TAMM41: variants seen among roughly 807,000 people sequenced by gnomAD.
TAMM41 encodes the protein phosphatidate cytidylyltransferase, mitochondrial.
Under a neutral mutation model 44.1 loss-of-function variants are expected in TAMM41, and 36 were observed. The observed-to-expected ratio is 0.82, with a 90% CI of 0.63 to 1.08. The LOEUF (loss-of-function observed/expected upper bound fraction) is 1.08, where lower values mean the gene tolerates loss of function less well. Among genes scored for constraint, TAMM41 ranks in the 50% least tolerant of loss-of-function variants. The probability of loss-of-function intolerance (pLI) is 0.00; values close to 1 mark genes in which losing one functional copy is unlikely to be tolerated. For synonymous variants in TAMM41, 164 were observed against 153.1 expected, an observed-to-expected ratio of 1.07 and a Z score of -0.53; for missense variants, 417 against 404.3, an observed-to-expected ratio of 1.03 and a Z score of -0.27.
chr3:11,781,109 G>C, the TAMM41 span, among the ~76,000 whole-genome samples: 3 of 152,260 alleles, frequency 2.0e-5, no homozygotes, highest in African/African-American at 7.2e-5. Flanking sequence ...TCTGGGAATA[G>C]GCTTTAGACT....
rs2078027449 is a variant in TAMM41 at position 11,809,670 on chromosome 3, G to T, written c.721C>A (p.Pro241Thr). Reference protein sequence around the residue: ...QQGWLEIDKSPEGQFTQLMTL... With the variant: ...QQGWLEIDKSTEGQFTQLMTL... The stretch of plus-strand genomic sequence containing the variant: ...ATCAGCTGAGTGAACTGTCCTTCTG[G>T]GCTTTTATCTATCTGAAGGGAGGAA... The change falls in exon 6 of 8, where the codon CCA becomes ACA. Residue 241 changes from proline to threonine, a missense_variant. Transcript: ENST00000455809. The T allele has an allele frequency of 6.2e-7, 1 of 1,610,168 alleles. No homozygotes were observed. Among genetic ancestry groups the T allele is most frequent in the Non-Finnish European group, 8.5e-7 (1 of 1,179,348 alleles).
At chr3:11,761,946 C>CAAAAAAAAAAAAAAAAAAAAA in the TAMM41 span, among the ~76,000 whole-genome samples, 1 of 75,012 alleles carries the variant, frequency 1.3e-5, no homozygotes, top group Admixed American at 1.7e-4. Context: ...GACTCTGTCT[C>CAAAAAAAAAAAAAAAAAAAAA]AAAAAAAAAA....
chr3:11,725,450 TCCTC>T, the TAMM41 span, among the ~76,000 whole-genome samples: 4 of 146,906 alleles, frequency 2.7e-5, no homozygotes, highest in East Asian at 2.1e-4. Context: ...CTCCTCCTCC[TCCTC>T]CTTCTTCTTC....
rs1459937748 is a variant in TAMM41 at position 11,829,804 on chromosome 3, T to C, written c.472A>G (p.Lys158Glu). Reference protein sequence around the residue: ...TLRSALDRNLKSAVTAAFLML... With the variant: ...TLRSALDRNLESAVTAAFLML... Reference sequence around the variant, plus strand: ...AGGAAAGCAGCGGTCACAGCACTCTTCAGATTTCTATCGAGGGCTGATCTA... The same window carrying C: ...AGGAAAGCAGCGGTCACAGCACTCTCCAGATTTCTATCGAGGGCTGATCTA... Residue 158 changes from lysine to glutamate, a missense_variant, in exon 4 of 8, where the codon AAG (lysine) becomes GAG (glutamate). Coordinates refer to ENST00000455809, the MANE Select transcript of TAMM41 (RefSeq NM_001284401.2). 1.9e-6 allele frequency: 3 copies of C among 1,614,170 alleles called. No individual in the cohort carries two copies. Among genetic ancestry groups the C allele is most frequent in the Non-Finnish European group, 2.5e-6 (3 of 1,180,000 alleles).
the TAMM41 span, among the ~76,000 whole-genome samples, chr3:11,763,635 G>C: frequency 6.6e-6 from 1 of 152,224 alleles, no homozygotes; most frequent in Admixed American, 6.5e-5. Context: ...GAAAATCACA[G>C]TAATTTCCCA....
At chr3:11,841,071 CTATTTTT>C (rs1353009978) in intron 2 of TAMM41, among the ~76,000 whole-genome samples, 141 of 98,262 alleles carry the variant, frequency 1.4e-3, no homozygotes, top group African/African-American at 5.1e-3. Flanking sequence ...CAGCCCATTT[CTATTTTT>C]TTTTTTTTTT....
At chr3:11,741,782 T>TG in the TAMM41 span, among the ~76,000 whole-genome samples, 1 of 150,072 alleles carries the variant, frequency 6.7e-6, no homozygotes, top group African/African-American at 2.5e-5. Flanking sequence ...CTATCCCAAT[T>TG]GCCAGCGTCG....
At position 11,844,125 on chromosome 3, in the gene TAMM41, A is replaced by G; in HGVS notation, c.222T>C (p.Ser74=). 6.2e-7 allele frequency: 1 copy of G among 1,614,236 alleles called. No individual in the cohort carries two copies. Among genetic ancestry groups the G allele is most frequent in the Non-Finnish European group, 8.5e-7 (1 of 1,180,034 alleles). Residue 74 remains serine, a synonymous_variant, in exon 2 of 8, where the codon TCT becomes TCC. Transcript: ENST00000455809. ...TCTTGGGCCCTAAAACTTTTAGGAAAGAGTAGTGACTCCAATTTTTCTTCA... is the reference window on the plus strand; with the variant it reads ...TCTTGGGCCCTAAAACTTTTAGGAAGGAGTAGTGACTCCAATTTTTCTTCA... ...KNLKKNWSHY[S]FLKVLGPKII... is the part of the protein sequence containing the mutation.
chr3:11,784,148 C>A, the TAMM41 span, among the ~76,000 whole-genome samples: 1 of 152,158 alleles, frequency 6.6e-6, no homozygotes, highest in East Asian at 1.9e-4. Flanking sequence ...CTGAGGGCAA[C>A]AGGAACACAG....
At chr3:11,791,396 A>G (rs2077474236) in intron 7 of TAMM41, among the ~76,000 whole-genome samples, 1 of 152,232 alleles carries the variant, frequency 6.6e-6, no homozygotes, top group Non-Finnish European at 1.5e-5. Context: ...GAAAAAGGGA[A>G]TAAAATAAAT....
the TAMM41 span, among the ~76,000 whole-genome samples, chr3:11,767,915 G>A: frequency 9.9e-5 from 15 of 150,948 alleles, no homozygotes; most frequent in African/African-American, 2.2e-4. Flanking sequence ...GAGCCACCGC[G>A]CCTGGCCATC....
At chr3:11,802,833 A>G (rs961080161) in intron 7 of TAMM41, among the ~76,000 whole-genome samples, 1 of 152,240 alleles carries the variant, frequency 6.6e-6, no homozygotes, top group African/African-American at 2.4e-5. Flanking sequence ...CCAACAGCAC[A>G]TCAAAAAGAG....
At chr3:11,844,794 A>G in intron 1 of TAMM41, 1 of 378,256 alleles carries the variant, frequency 2.6e-6, no homozygotes, top group Non-Finnish European at 5.2e-6. Flanking sequence ...GAACTCTGAC[A>G]GGCCCTAGGG....
At chr3:11,845,187 T>G in intron 1 of TAMM41, 1 of 352,774 alleles carries the variant, frequency 2.8e-6, no homozygotes, top group Non-Finnish European at 5.6e-6. Flanking sequence ...AAGAGCTGAC[T>G]GGAGAGAAGA....
chr3:11,838,030 G>A (rs969283870), intron 3 of TAMM41, among the ~76,000 whole-genome samples: 1 of 152,150 alleles, frequency 6.6e-6, no homozygotes, highest in Non-Finnish European at 1.5e-5. Context: ...CTAGCTACCT[G>A]GAGTCAGAGT....
the TAMM41 span, among the ~76,000 whole-genome samples, chr3:11,769,112 A>G: frequency 6.6e-6 from 1 of 152,004 alleles, no homozygotes; most frequent in Admixed American, 6.6e-5. Context: ...TCCATCTACA[A>G]ACAGTCTCAC....
chr3:11,804,530 A>G (rs2124943369), intron 7 of TAMM41, among the ~76,000 whole-genome samples: 1 of 152,348 alleles, frequency 6.6e-6, no homozygotes, highest in East Asian at 1.9e-4. Flanking sequence ...TCACAACTGA[A>G]AAATAATTAA....
downstream of TAMM41, chr3:11,790,349 GATAA>G: frequency 1.4e-6 from 1 of 720,480 alleles, no homozygotes; most frequent in East Asian, 2.5e-5. Context: ...GTCCCAACTG[GATAA>G]ATGTCTGATG....
chr3:11,722,820 T>G, the TAMM41 span, among the ~76,000 whole-genome samples: 2 of 152,084 alleles, frequency 1.3e-5, no homozygotes, highest in East Asian at 1.9e-4. Context: ...AATACAAAAA[T>G]TAGCCAGATG....
Sources: gnomAD v4.1 joint callset for allele counts (sites outside exome capture counted in the v4.1 genomes callset) on GRCh38, gnomAD v4.1.1 for gene constraint, MANE v1.5 for transcripts, NCBI Gene and HGNC (gene_info 2026-07-23, HGNC 2026-07-21) for gene names.